SPSB1: variants seen among roughly 807,000 people sequenced by gnomAD.
SPSB1 encodes SPRY domain-containing SOCS box protein 1.
SPSB1 carries 8 observed loss-of-function variants against 21.2 expected under a neutral mutation model. The ratio of observed to expected loss-of-function variants is 0.38; its 90% CI spans 0.22 to 0.68. The LOEUF (loss-of-function observed/expected upper bound fraction) is 0.68, where lower values mean the gene tolerates loss of function less well. SPSB1 is among the 30% of genes least tolerant of loss of function. The probability of loss-of-function intolerance (pLI) is 0.53; values close to 1 mark genes in which losing one functional copy is unlikely to be tolerated. For synonymous variants in SPSB1, 169 were observed against 161.7 expected (o/e 1.05, Z -0.34); for missense variants, 242 against 377.8 (o/e 0.64, Z 2.98).
At position 9,324,809 on chromosome 1, in the gene SPSB1, C is replaced by G. The variant is rs971204344; in HGVS notation, c.-149-30934C>G. On this transcript the variant is annotated intron_variant, in intron 1 of 2. Transcript: ENST00000328089. This position sits in a 1 kb window ranked among gnomAD's most constrained non-coding sequence, Gnocchi z 4.3. ...GTGGCCCTGGACTTCTTAGAGCCAA[C>G]ACTGGGCCAGACAGTCGTGTTTGCG... Among the ~76,000 whole-genome samples the G allele has an allele frequency of 2.0e-5, 3 of 152,236 alleles. No homozygotes were observed. The highest frequency in any genetic ancestry group is 7.2e-5 in the African/African-American group (3 of 41,468).
intron 1 of SPSB1, among the ~76,000 whole-genome samples, chr1:9,315,560 C>T (rs1015716857): frequency 6.6e-6 from 1 of 152,268 alleles, no homozygotes; most frequent in East Asian, 1.9e-4. Context: ...GCTGCAGCTT[C>T]TAACCATCGA....
intron 1 of SPSB1, among the ~76,000 whole-genome samples, chr1:9,339,812 G>T (rs2100500130): frequency 6.6e-6 from 1 of 152,306 alleles, no homozygotes; most frequent in Middle Eastern, 3.4e-3. Flanking sequence ...CCCCATTCTT[G>T]TGGACCTGGT....
Position 9,346,074 on chromosome 1 carries a change from G to A in SPSB1, c.-149-9669G>A, listed in dbSNP as rs1373896420. On this transcript the variant is annotated intron_variant, in intron 1 of 2. Transcript: ENST00000328089. The surrounding 1 kb of genome is among the most constrained non-coding windows in gnomAD (Gnocchi z 4.4). ...AGGGAGCACAGAACCCCAGTGAGCGGGCAGAGCCCAGGCAGCGGCTGAGCC... is the reference window on the plus strand; with the variant it reads ...AGGGAGCACAGAACCCCAGTGAGCGAGCAGAGCCCAGGCAGCGGCTGAGCC... 6.6e-6 allele frequency among the ~76,000 whole-genome samples: 1 copy of A among 152,224 alleles called. No individual in the cohort carries two copies. Among genetic ancestry groups the A allele is most frequent in the East Asian group, 1.9e-4 (1 of 5,190 alleles).
At chr1:9,304,045 G>A (rs1639374024) in intron 1 of SPSB1, among the ~76,000 whole-genome samples, 1 of 152,184 alleles carries the variant, frequency 6.6e-6, no homozygotes. Context: ...TGCCCTCCAT[G>A]GGGTCAGCCA....
At chr1:9,296,690 T>A (rs1639232019) in intron 1 of SPSB1, among the ~76,000 whole-genome samples, 1 of 152,214 alleles carries the variant, frequency 6.6e-6, no homozygotes. Flanking sequence ...TGTAGCTTCT[T>A]CCTAAGAAGC....
chr1:9,327,667 C>A (rs964361045), intron 1 of SPSB1, among the ~76,000 whole-genome samples: 1 of 152,110 alleles, frequency 6.6e-6, no homozygotes, highest in African/African-American at 2.4e-5. Context: ...AAATTTGACC[C>A]CTGTTTCTTC....
At chr1:9,361,159 T>TTTTTC (rs1640468650) in intron 2 of SPSB1, among the ~76,000 whole-genome samples, 1 of 33,230 alleles carries the variant, frequency 3.0e-5, no homozygotes, top group Admixed American at 4.0e-4. Context: ...TCATTTTCTT[T>TTTTTC]TTTTTTTTTT....
chr1:9,358,246 T>A (rs1310088290), intron 2 of SPSB1, among the ~76,000 whole-genome samples: 1 of 152,196 alleles, frequency 6.6e-6, no homozygotes, highest in Admixed American at 6.5e-5. Context: ...CTCTTGGTCC[T>A]CTGCTGTGAC....
chr1:9,333,578 A>G (rs1342026998), intron 1 of SPSB1, among the ~76,000 whole-genome samples: 1 of 151,800 alleles, frequency 6.6e-6, no homozygotes, highest in Non-Finnish European at 1.5e-5. Context: ...TGATCCGCCC[A>G]CCTCGGCCTC....
intron 1 of SPSB1, among the ~76,000 whole-genome samples, chr1:9,300,772 A>G (rs1639314858): frequency 6.6e-6 from 1 of 152,198 alleles, no homozygotes; most frequent in Non-Finnish European, 1.5e-5. Flanking sequence ...TGAAGGCACA[A>G]GTAAGTGACA....
intron 1 of SPSB1, among the ~76,000 whole-genome samples, chr1:9,320,791 C>T (rs539092086): frequency 6.6e-6 from 1 of 152,288 alleles, no homozygotes; most frequent in Non-Finnish European, 1.5e-5. Context: ...TTCTTGTTTC[C>T]TCGTGGGGGA....
Position 9,357,073 on chromosome 1 carries a change from A to C in SPSB1, c.694+488A>C, listed in dbSNP as rs570943919. ...GATGAATGAGTGGATGGATAAATGA[A>C]CGGATGGATGGGTGGGTGGATGGAT... On this transcript the variant is annotated intron_variant, in intron 2 of 2. Coordinates refer to ENST00000328089, the MANE Select transcript of SPSB1 (RefSeq NM_025106.4). Among the ~76,000 whole-genome samples, 12 of 151,480 alleles carry C rather than the reference A, an allele frequency of 7.9e-5. No individual in the cohort carries two copies. In the South Asian group the frequency reaches 2.5e-3, roughly 32 times the overall value.
rs112986265 is a variant in SPSB1 at position 9,348,292 on chromosome 1, G to A, written c.-149-7451G>A. The stretch of plus-strand genomic sequence containing the variant: ...AGCACTGTCTCGCTCCTGTCTCGGC[G>A]GTAGTGCTGTGTCTAGCATCACATT... On this transcript the variant is annotated intron_variant, in intron 1 of 2. Coordinates refer to ENST00000328089, the MANE Select transcript of SPSB1 (RefSeq NM_025106.4). This position sits in a 1 kb window ranked among gnomAD's most constrained non-coding sequence, Gnocchi z 4.8. 6.6e-6 allele frequency among the ~76,000 whole-genome samples: 1 copy of A among 151,962 alleles called. No individual in the cohort carries two copies. The highest frequency in any genetic ancestry group is 6.6e-5 in the Admixed American group (1 of 15,250).
chr1:9,309,501 T>C (rs1405971289), intron 1 of SPSB1, among the ~76,000 whole-genome samples: 1 of 152,120 alleles, frequency 6.6e-6, no homozygotes, highest in Non-Finnish European at 1.5e-5. Flanking sequence ...AAAGTTTTTG[T>C]AGAGATGGGG....
chr1:9,326,795 G>C (rs1639823023), intron 1 of SPSB1, among the ~76,000 whole-genome samples: 1 of 152,238 alleles, frequency 6.6e-6, no homozygotes, highest in Non-Finnish European at 1.5e-5. Context: ...CATTCCTGCA[G>C]TTTAGTCTGT....
intron 1 of SPSB1, among the ~76,000 whole-genome samples, chr1:9,318,096 C>G (rs566951784): frequency 6.6e-6 from 1 of 152,352 alleles, no homozygotes; most frequent in Middle Eastern, 3.4e-3. Context: ...TTCTGGGAAG[C>G]TGCAGCTTAG....
chr1:9,366,166 C>T (rs1640568373), intron 2 of SPSB1, among the ~76,000 whole-genome samples: 1 of 152,240 alleles, frequency 6.6e-6, no homozygotes, highest in Non-Finnish European at 1.5e-5. Context: ...CTCTGTAACC[C>T]TGGGGCCTGA....
chr1:9,300,144 C>T (rs550407001), intron 1 of SPSB1, among the ~76,000 whole-genome samples: 1 of 152,228 alleles, frequency 6.6e-6, no homozygotes, highest in Admixed American at 6.5e-5. Context: ...AGTGAAATTT[C>T]TCGGGGTCCA....
intron 1 of SPSB1, among the ~76,000 whole-genome samples, chr1:9,331,321 GTTT>G (rs34199175): frequency 3.7e-4 from 20 of 53,698 alleles, no homozygotes; most frequent in South Asian, 2.2e-3. Context: ...TGGTGCTCTT[GTTT>G]TTTTTTTTTT....
Sources: gnomAD v4.1 joint callset for allele counts (sites outside exome capture counted in the v4.1 genomes callset) on GRCh38, gnomAD v4.1.1 for gene constraint, Gnocchi (gnomAD v3.1) non-coding constraint, MANE v1.5 for transcripts, NCBI Gene and HGNC (gene_info 2026-07-23, HGNC 2026-07-21) for gene names.